The following LRGUK variants were observed in gnomAD, a reference collection of about 807,000 sequenced individuals.
LRGUK encodes the protein leucine-rich repeat and guanylate kinase domain-containing protein.
A neutral mutation model predicts 76.0 loss-of-function variants in LRGUK; 65 were observed. The ratio of observed to expected loss-of-function variants is 0.85; its 90% CI spans 0.70 to 1.05. The LOEUF is 1.05. Among genes scored for constraint, LRGUK ranks in the 50% least tolerant of loss-of-function variants. The pLI, the probability that LRGUK is intolerant of heterozygous loss-of-function variation, is 0.00. For synonymous variants in LRGUK, 268 were observed against 265.6 expected, an observed-to-expected ratio of 1.01 and a Z score of -0.09; for missense variants, 758 against 732.8, an observed-to-expected ratio of 1.03 and a Z score of -0.40.
intron 11 of LRGUK, among the ~76,000 whole-genome samples, chr7:134,186,477 G>A (rs1327801933): frequency 6.6e-6 from 1 of 152,196 alleles, no homozygotes; most frequent in African/African-American, 2.4e-5. Flanking sequence ...CACTTAATAT[G>A]TGTGTGATAA....
chr7:134,215,761 G>A (rs1801420387), intron 15 of LRGUK, among the ~76,000 whole-genome samples: 1 of 152,136 alleles, frequency 6.6e-6, no homozygotes, highest in African/African-American at 2.4e-5. Context: ...CAGTACGTCT[G>A]TAAATGAATT....
exon 1 of LRGUK, chr7:134,127,466 C>T (rs1166411365): frequency 1.2e-6 from 2 of 1,614,058 alleles, no homozygotes; most frequent in South Asian, 1.1e-5. Flanking sequence ...TACAGTTTCG[C>T]GCAGAAAAAG....
At chr7:134,140,310 A>T (rs1483806136) in intron 3 of LRGUK, among the ~76,000 whole-genome samples, 1 of 152,106 alleles carries the variant, frequency 6.6e-6, no homozygotes, top group Non-Finnish European at 1.5e-5. Flanking sequence ...TTTTACCCTT[A>T]TTATTGAGCA....
chr7:134,184,687 G>T (rs959012223), intron 11 of LRGUK, among the ~76,000 whole-genome samples: 3 of 152,148 alleles, frequency 2.0e-5, no homozygotes, highest in Non-Finnish European at 4.4e-5. Flanking sequence ...GCTCATTCAT[G>T]CTGTTCCCCA....
intron 15 of LRGUK, among the ~76,000 whole-genome samples, chr7:134,217,499 T>G (rs937753832): frequency 3.0e-4 from 45 of 152,300 alleles, no homozygotes; most frequent in Admixed American, 7.8e-4. Context: ...CTGTATTTCC[T>G]TGGACTTATG....
intron 15 of LRGUK, among the ~76,000 whole-genome samples, chr7:134,216,990 G>A (rs550180140): frequency 5.3e-5 from 8 of 152,188 alleles, no homozygotes; most frequent in Middle Eastern, 3.4e-3. Flanking sequence ...AATCTTTAGC[G>A]TATATTGAAG....
intron 18 of LRGUK, among the ~76,000 whole-genome samples, chr7:134,252,182 A>G (rs914354788): frequency 2.0e-5 from 3 of 151,742 alleles, no homozygotes; most frequent in African/African-American, 7.3e-5. Context: ...ATACCAAAAA[A>G]AAAAAAGTAG....
downstream of LRGUK, among the ~76,000 whole-genome samples, chr7:134,212,811 G>T (rs887032251): frequency 6.6e-6 from 1 of 152,218 alleles, no homozygotes; most frequent in African/African-American, 2.4e-5. Flanking sequence ...GGAAGACAGA[G>T]AGTTCATTAT....
At chr7:134,132,600 ACT>A (rs1293868470) in intron 1 of LRGUK, among the ~76,000 whole-genome samples, 2 of 152,058 alleles carry the variant, frequency 1.3e-5, no homozygotes, top group African/African-American at 4.8e-5. Flanking sequence ...ATTAAAGGAA[ACT>A]CTAGTTTATA....
rs549179786 is a variant in LRGUK, at chr7:134,205,731, C to T, written c.1844-2976C>T. On this transcript the variant is annotated intron_variant, in intron 15 of 15. Coordinates refer to ENST00000645682, the Ensembl canonical transcript of LRGUK. ...CTAACCAATAACCATTAACTTGATT[C>T]GAGAAGTAATTTTGAGCTCCCATTT... is the stretch of plus-strand genomic sequence containing the variant. 7.2e-5 allele frequency among the ~76,000 whole-genome samples: 11 copies of T among 152,168 alleles called. No homozygotes were observed. The South Asian group carries it at 1.7e-3, about 23-fold the overall frequency.
At chr7:134,142,250 GA>G (rs1797797039) in intron 3 of LRGUK, among the ~76,000 whole-genome samples, 1 of 152,150 alleles carries the variant, frequency 6.6e-6, no homozygotes, top group African/African-American at 2.4e-5. Context: ...GCAGAGAAAG[GA>G]CTTACTAGTA....
chr7:134,228,078 T>G (rs1215004991), intron 16 of LRGUK, among the ~76,000 whole-genome samples: 2 of 151,962 alleles, frequency 1.3e-5, no homozygotes, highest in Non-Finnish European at 2.9e-5. Flanking sequence ...GTACTAAAAT[T>G]AAAAACAAAG....
intron 11 of LRGUK, among the ~76,000 whole-genome samples, chr7:134,187,973 A>T (rs1360772085): frequency 1.3e-5 from 2 of 152,220 alleles, no homozygotes; most frequent in South Asian, 2.1e-4. Flanking sequence ...GTTACATGAG[A>T]TGATATGAGC....
chr7:134,130,679 A>G (rs1797264537), intron 1 of LRGUK, among the ~76,000 whole-genome samples: 1 of 152,170 alleles, frequency 6.6e-6, no homozygotes, highest in Admixed American at 6.5e-5. Context: ...CCAGTTTAGC[A>G]CCTTTGCAAT....
downstream of LRGUK, among the ~76,000 whole-genome samples, chr7:134,211,551 A>G (rs987561313): frequency 7.2e-5 from 11 of 152,224 alleles, no homozygotes; most frequent in African/African-American, 2.7e-4. Context: ...CTCTGTGATC[A>G]AATGCTTCAG....
intron 14 of LRGUK, among the ~76,000 whole-genome samples, chr7:134,200,574 G>T (rs1324520908): frequency 7.1e-6 from 1 of 140,666 alleles, no homozygotes; most frequent in Non-Finnish European, 1.5e-5. Context: ...TTACCTCTTA[G>T]GGGGAAGGGA....
At position 134,172,715 on chromosome 7, in the gene LRGUK, G is replaced by A. The variant is rs531025272; in HGVS notation, c.940-1841G>A. 3.8e-3 allele frequency among the ~76,000 whole-genome samples: 578 copies of A among 152,242 alleles called. 5 individuals are homozygous for A. Among genetic ancestry groups the A allele is most frequent in the African/African-American group, 0.013 (556 of 41,530 alleles). ...AGAGCAGGCCAGTGTGGTGGCTCAC[G>A]GCTGTAATCCTAGCACTTGGGAATG... On this transcript the variant is annotated intron_variant, in intron 7 of 15. Transcript: ENST00000645682.
Position 134,171,785 on chromosome 7 carries a change from C to T in LRGUK, c.940-2771C>T, listed in dbSNP as rs148796738. Among the ~76,000 whole-genome samples, 305 of 152,252 alleles carry T rather than the reference C, an allele frequency of 2.0e-3. 2 individuals are homozygous for T. Among genetic ancestry groups the T allele is most frequent in the African/African-American group, 7.0e-3 (291 of 41,538 alleles). ...TATTTGGGGTGCTGTTGTCTCTACT[C>T]CTGCTGTAAAAGTCTGTTATGCACA... On this transcript the variant is annotated intron_variant, in intron 7 of 15. Transcript: ENST00000645682.
chr7:134,170,281 T>G (rs1799186358), intron 7 of LRGUK, among the ~76,000 whole-genome samples: 1 of 152,204 alleles, frequency 6.6e-6, no homozygotes, highest in African/African-American at 2.4e-5. Flanking sequence ...TTTTTCTTTG[T>G]GTCTCCCTTT....
Sources: gnomAD v4.1 joint callset for allele counts (sites outside exome capture counted in the v4.1 genomes callset) on GRCh38, gnomAD v4.1.1 for gene constraint, MANE v1.5 for transcripts, NCBI Gene and HGNC (gene_info 2026-07-23, HGNC 2026-07-21) for gene names.